MEAK7: variants seen among roughly 807,000 people sequenced by gnomAD.
MEAK7 encodes the protein MTOR-associated protein MEAK7.
MEAK7 carries 68 observed loss-of-function variants against 40.5 expected under a neutral mutation model. The observed-to-expected ratio is 1.68, with a 90% CI of 1.38 to 2.06. The LOEUF (loss-of-function observed/expected upper bound fraction) is 2.06. Ranked by LOEUF, MEAK7 falls within the 30% of genes most tolerant of loss-of-function variation. The probability of loss-of-function intolerance (pLI) is 0.00; values close to 1 mark genes in which losing one functional copy is unlikely to be tolerated. For missense variants in MEAK7, 918 were observed against 580.5 expected (o/e 1.58, Z -5.98); for synonymous variants, 338 against 231.9 (o/e 1.46, Z -4.16).
At chr16:84,492,582 T>C (rs1322058007) in intron 3 of MEAK7, among the ~76,000 whole-genome samples, 2 of 151,200 alleles carry the variant, frequency 1.3e-5, no homozygotes, top group African/African-American at 4.8e-5. Flanking sequence ...TATTTATTTA[T>C]TTATTTATTT....
Position 84,480,025 on chromosome 16 carries a change from G to C in MEAK7, c.1259C>G (p.Ala420Gly), listed in dbSNP as rs748087140. 5 of 1,591,378 alleles carry C rather than the reference G, an allele frequency of 3.1e-6. No homozygotes were observed. The highest frequency in any genetic ancestry group is 2.6e-6 in the Non-Finnish European group (3 of 1,164,842). ...AVGDPSEEQL[A>G]KGNKSILDAD... Reference sequence around the variant, plus strand: ...ATCCAGGATGCTCTTGTTGCCCTTGGCCTTGAGAAGAGAAGAAAGGGTGGG... The same window carrying C: ...ATCCAGGATGCTCTTGTTGCCCTTGCCCTTGAGAAGAGAAGAAAGGGTGGG... Residue 420 changes from alanine to glycine, a missense_variant and splice_region_variant, in exon 8 of 8, where the codon GCC (alanine) becomes GGC (glycine). By Grantham distance (60) the Ala-to-Gly change is moderately conservative. Coordinates refer to ENST00000343629, the MANE Select transcript of MEAK7 (RefSeq NM_020947.4).
At chr16:84,491,746 G>A (rs1188606463) in intron 3 of MEAK7, among the ~76,000 whole-genome samples, 1 of 150,590 alleles carries the variant, frequency 6.6e-6, no homozygotes, top group African/African-American at 2.4e-5. Flanking sequence ...GCTAAGGCAG[G>A]AGAATGACGT....
In MEAK7 at chr16:84,495,784, T is replaced by A; in HGVS notation, c.283A>T (p.Met95Leu). The A allele has an allele frequency of 6.2e-7, 1 of 1,614,120 alleles. No individual in the cohort carries two copies. Among genetic ancestry groups the A allele is most frequent in the Non-Finnish European group, 8.5e-7 (1 of 1,180,030 alleles). ...GAGTTTCCTTTCAACAGGTGGGACA[T>A]GGATGCTGTGAACTGCTCCTGGGAC... ...NVSQEQFTAS[M>L]SHLLKGNSEE... Residue 95 changes from methionine (M) to leucine (L), a missense_variant, in exon 3 of 8, where the codon ATG (methionine) becomes TTG (leucine). Met to Leu is a conservative substitution (Grantham distance 15). Transcript: ENST00000343629.
At chr16:84,480,049 G>C (rs759225864) in intron 7 of MEAK7, 23 bp from the exon 8 acceptor site, 4 of 1,557,320 alleles carry the variant, frequency 2.6e-6, no homozygotes, top group Non-Finnish European at 3.5e-6. Flanking sequence ...AGAAAGGGTG[G>C]GTGTGTTCCA....
In MEAK7 at chr16:84,504,622, G is replaced by T. The variant is rs1370528226; in HGVS notation, c.-47C>A. The stretch of plus-strand genomic sequence containing the variant: ...CTACCCTGCCGGGCTTCCTGGTGCT[G>T]TCCGGTCCGGTCCAGCAGCCCACGG... On this transcript the variant is annotated 5_prime_UTR_variant, in exon 1 of 8. Coordinates refer to ENST00000343629, the MANE Select transcript of MEAK7 (RefSeq NM_020947.4). 1 of 985,626 alleles carries T rather than the reference G, an allele frequency of 1.0e-6. No individual in the cohort carries two copies. The highest frequency in any genetic ancestry group is 1.2e-6 in the Non-Finnish European group (1 of 830,048). 61.1% of individuals were successfully genotyped at this position (985,626 alleles called of 1,614,324 possible).
intron 1 of MEAK7, chr16:84,504,244 G>GCGAGT: frequency 1.3e-6 from 1 of 793,260 alleles, no homozygotes. Flanking sequence ...CTCCGTGGAG[G>GCGAGT]CACCCCTCCC....
At chr16:84,504,239 T>G in intron 1 of MEAK7, 2 of 785,370 alleles carry the variant, frequency 2.5e-6, no homozygotes, top group Non-Finnish European at 3.1e-6. Context: ...GCCTCCTCCG[T>G]GGAGGCACCC....
chr16:84,504,243 G>A (rs2150655045), intron 1 of MEAK7: 2 of 801,942 alleles, frequency 2.5e-6, no homozygotes, highest in East Asian at 1.3e-4. Context: ...CCTCCGTGGA[G>A]GCACCCCTCC....
At chr16:84,504,449 T>C (rs1914734492) in intron 1 of MEAK7, among the ~76,000 whole-genome samples, 152 bp downstream of exon 1, 2 of 134,796 alleles carry the variant, frequency 1.5e-5, no homozygotes, top group African/African-American at 2.8e-5. Context: ...CCTTCACCTC[T>C]CCCTCCCCCG....
chr16:84,504,547 G>A (rs1914745297), intron 1 of MEAK7, 54 bp downstream of exon 1: 1 of 970,096 alleles, frequency 1.0e-6, no homozygotes, highest in Non-Finnish European at 1.2e-6. Context: ...CCCCGACTCA[G>A]CTGGGCCTGC....
intron 3 of MEAK7, among the ~76,000 whole-genome samples, chr16:84,492,955 C>A (rs1006499715): frequency 3.9e-5 from 6 of 152,124 alleles, no homozygotes; most frequent in Admixed American, 3.3e-4. Context: ...TCCTTTTGAC[C>A]TCAATTATTG....
intron 6 of MEAK7, among the ~76,000 whole-genome samples, chr16:84,481,740 T>C (rs111526506): frequency 0.035 from 5,398 of 152,180 alleles, 305 homozygotes; most frequent in African/African-American, 0.12. Context: ...GAGACCATCC[T>C]GGCTAACATG....
intron 4 of MEAK7, chr16:84,487,686 A>C (rs1418183393): frequency 6.6e-6 from 1 of 152,636 alleles, no homozygotes; most frequent in Non-Finnish European, 1.5e-5. Context: ...ATCATACAGC[A>C]CTTGGAGCCC....
At chr16:84,493,098 T>TCCATAACACAC (rs1291131376) in intron 3 of MEAK7, among the ~76,000 whole-genome samples, 1 of 152,226 alleles carries the variant, frequency 6.6e-6, no homozygotes, top group Non-Finnish European at 1.5e-5. Context: ...GTAAGTGTGT[T>TCCATAACACAC]ATTAGTATGT....
chr16:84,480,725 G>T lies in MEAK7; in HGVS notation c.1078-17C>A, dbSNP rs780593524. 13 of 1,600,472 alleles carry T rather than the reference G, an allele frequency of 8.1e-6. No homozygotes were observed. Among genetic ancestry groups the T allele is most frequent in the African/African-American group, 1.3e-5 (1 of 74,456 alleles). ...CCCCATACCCTGCAAAGGAAGCCAGGACAGAGAATAGCATCAGCAACTCCT... is the reference window on the plus strand; with the variant it reads ...CCCCATACCCTGCAAAGGAAGCCAGTACAGAGAATAGCATCAGCAACTCCT... On this transcript the variant is annotated splice_polypyrimidine_tract_variant and intron_variant, in intron 6 of 7. Transcript: ENST00000343629.
intron 3 of MEAK7, among the ~76,000 whole-genome samples, chr16:84,493,771 A>G (rs539500402): frequency 1.3e-5 from 2 of 152,354 alleles, no homozygotes; most frequent in Admixed American, 6.5e-5. Context: ...TTATTTCATG[A>G]AGGCTTTGAC....
chr16:84,488,586 A>T (rs1201302132), intron 4 of MEAK7: 2 of 152,240 alleles, frequency 1.3e-5, no homozygotes, highest in African/African-American at 4.8e-5. Context: ...AATAATACAA[A>T]GTATCTTCTC....
intron 1 of MEAK7, among the ~76,000 whole-genome samples, chr16:84,502,143 T>TC (rs1914553199): frequency 6.9e-6 from 1 of 143,944 alleles, no homozygotes; most frequent in Admixed American, 7.0e-5. Context: ...AAACTCGGTC[T>TC]CAAAAAAAAA....
chr16:84,478,301 T>C lies in MEAK7; in HGVS notation c.*1612A>G, dbSNP rs562642978. On this transcript the variant is annotated 3_prime_UTR_variant, in exon 8 of 8. Transcript: ENST00000343629. ...TAAGTCCTTGTCTGCATCACGCTCC[T>C]GCCCCTCCACACACTGTCTGAGCGT... The C allele has an allele frequency of 6.6e-6, 1 of 152,186 alleles. No individual in the cohort carries two copies. The highest frequency in any genetic ancestry group is 2.4e-5 in the African/African-American group (1 of 41,428). 9.4% of individuals were successfully genotyped at this position (152,186 alleles called of 1,614,324 possible). A position where few individuals can be genotyped will look rare whatever the true frequency, so the allele number is the denominator to read the frequency against.
Sources: allele counts gnomAD v4.1 joint callset (sites outside exome capture counted in the v4.1 genomes callset), GRCh38; gene constraint gnomAD v4.1.1; transcripts MANE v1.5; gene names NCBI Gene and HGNC (gene_info 2026-07-23, HGNC 2026-07-21).